Variants in RPS6KC1 observed in about 807,000 individuals in gnomAD.
RPS6KC1 encodes the protein ribosomal protein S6 kinase C1, also known as inactive ribosomal protein S6 kinase delta-1.
Under a neutral mutation model 103.8 loss-of-function variants are expected in RPS6KC1, and 54 were observed. The ratio of observed to expected loss-of-function variants is 0.52; its 90% CI spans 0.42 to 0.65. RPS6KC1 has a LOEUF of 0.65. Among genes scored for constraint, RPS6KC1 ranks in the 30% least tolerant of loss-of-function variants. The pLI, the probability that RPS6KC1 is intolerant of heterozygous loss-of-function variation, is 0.00. For missense variants in RPS6KC1, 1,151 were observed against 1,253.8 expected (o/e 0.92, Z 1.24); for synonymous variants, 439 against 438.7 (o/e 1.00, Z -0.01).
the RPS6KC1 span, among the ~76,000 whole-genome samples, chr1:213,377,921 TG>T: frequency 6.6e-6 from 1 of 152,190 alleles, no homozygotes; most frequent in Admixed American, 6.5e-5. Context: ...TCCTAAAACT[TG>T]GCATTTGGGG....
At chr1:213,851,053 C>T in the RPS6KC1 span, among the ~76,000 whole-genome samples, 1 of 152,006 alleles carries the variant, frequency 6.6e-6, no homozygotes, top group Non-Finnish European at 1.5e-5. Flanking sequence ...AGCCAGTCCA[C>T]CTCTTCATCA....
the RPS6KC1 span, among the ~76,000 whole-genome samples, chr1:213,544,669 C>T: frequency 1.3e-5 from 2 of 152,164 alleles, no homozygotes; most frequent in Admixed American, 1.3e-4. Context: ...TGAGTTTAGG[C>T]TTTGCTTGCA....
At chr1:213,608,321 G>C in the RPS6KC1 span, among the ~76,000 whole-genome samples, 2 of 152,164 alleles carry the variant, frequency 1.3e-5, no homozygotes, top group Admixed American at 6.5e-5. Flanking sequence ...GGTCTGTTTG[G>C]CTCTTTTAAA....
intron 12 of RPS6KC1, among the ~76,000 whole-genome samples, chr1:213,244,291 A>G (rs1254789749): frequency 6.6e-6 from 1 of 152,026 alleles, no homozygotes; most frequent in African/African-American, 2.4e-5. Flanking sequence ...GTTAATTATA[A>G]TGAATTTGGA....
the RPS6KC1 span, among the ~76,000 whole-genome samples, chr1:213,680,019 G>A: frequency 6.6e-6 from 1 of 152,048 alleles, no homozygotes; most frequent in Non-Finnish European, 1.5e-5. Context: ...AAGTGTTCTC[G>A]AAATTTGTTT....
At chr1:213,178,582 G>A (rs2092049297) in intron 8 of RPS6KC1, among the ~76,000 whole-genome samples, 1 of 151,490 alleles carries the variant, frequency 6.6e-6, no homozygotes, top group South Asian at 2.1e-4. Flanking sequence ...CAACAAAACA[G>A]GAAAGAAAGA....
chr1:213,679,008 T>C, the RPS6KC1 span, among the ~76,000 whole-genome samples: 8 of 152,150 alleles, frequency 5.3e-5, no homozygotes, highest in Admixed American at 1.3e-4. Context: ...ATTCCTTCCA[T>C]GTTGGAGAAT....
the RPS6KC1 span, among the ~76,000 whole-genome samples, chr1:213,691,517 T>G: frequency 6.6e-6 from 1 of 152,302 alleles, no homozygotes; most frequent in Non-Finnish European, 1.5e-5. Context: ...TTTAGAAACT[T>G]CTGCTGCTAT....
the RPS6KC1 span, among the ~76,000 whole-genome samples, chr1:213,591,660 C>T: frequency 1.3e-5 from 2 of 152,206 alleles, no homozygotes; most frequent in South Asian, 2.1e-4. Flanking sequence ...CACTGGGGCC[C>T]CTGGGTAGCA....
At chr1:213,821,110 G>A in the RPS6KC1 span, 1,266 of 152,358 alleles carry the variant, frequency 8.3e-3, 22 homozygotes, top group African/African-American at 0.029. Flanking sequence ...TCCTGCTCTC[G>A]CTTTCTCAAG....
chr1:213,602,056 C>CTT, the RPS6KC1 span, among the ~76,000 whole-genome samples: 529 of 56,316 alleles, frequency 9.4e-3, 61 homozygotes, highest in East Asian at 0.02. Context: ...TTCTTTCTTT[C>CTT]TCTTTCTTTC....
chr1:213,714,546 G>A, the RPS6KC1 span, among the ~76,000 whole-genome samples: 2 of 152,234 alleles, frequency 1.3e-5, no homozygotes, highest in Non-Finnish European at 2.9e-5. Context: ...AGCCCTGATG[G>A]CCAGCTCTGG....
the RPS6KC1 span, among the ~76,000 whole-genome samples, chr1:213,608,721 A>G: frequency 6.6e-6 from 1 of 152,216 alleles, no homozygotes; most frequent in Non-Finnish European, 1.5e-5. Context: ...CATCTTTTTA[A>G]TATGTGCATT....
At chr1:213,621,913 G>C in the RPS6KC1 span, among the ~76,000 whole-genome samples, 1 of 152,124 alleles carries the variant, frequency 6.6e-6, no homozygotes, top group Non-Finnish European at 1.5e-5. Flanking sequence ...AGGATCTGAA[G>C]GGCTGGCCGA....
the RPS6KC1 span, among the ~76,000 whole-genome samples, chr1:213,781,313 A>T: frequency 6.6e-6 from 1 of 152,200 alleles, no homozygotes; most frequent in South Asian, 2.1e-4. Flanking sequence ...AAGCCTTCAG[A>T]GGGAGCTCAT....
the RPS6KC1 span, among the ~76,000 whole-genome samples, chr1:213,621,682 A>G: frequency 1.3e-5 from 2 of 152,190 alleles, no homozygotes; most frequent in Non-Finnish European, 2.9e-5. Context: ...AGGACCAGCT[A>G]TATAATTTGT....
At chr1:213,838,512 A>G in the RPS6KC1 span, among the ~76,000 whole-genome samples, 1 of 152,160 alleles carries the variant, frequency 6.6e-6, no homozygotes, top group Non-Finnish European at 1.5e-5. Flanking sequence ...TTACAAAGAC[A>G]TTGGCTCTGA....
chr1:213,275,551 G>C (rs545081299), downstream of RPS6KC1, among the ~76,000 whole-genome samples: 1 of 152,074 alleles, frequency 6.6e-6, no homozygotes, highest in African/African-American at 2.4e-5. Context: ...TTGAGACATG[G>C]ACCTTTTCAA....
chr1:213,792,939 A>C, the RPS6KC1 span, among the ~76,000 whole-genome samples: 1 of 151,844 alleles, frequency 6.6e-6, no homozygotes, highest in African/African-American at 2.4e-5. Context: ...ACCAGGTAGC[A>C]GTCTTATCAC....
Sources: gnomAD v4.1 joint callset for allele counts (sites outside exome capture counted in the v4.1 genomes callset) on GRCh38, gnomAD v4.1.1 for gene constraint, MANE v1.5 for transcripts, NCBI Gene and HGNC (gene_info 2026-07-23, HGNC 2026-07-21) for gene names.